The following TRAPPC10 variants were observed in gnomAD, a reference collection of about 807,000 sequenced individuals.
The protein encoded by TRAPPC10 is TRAPP 130 kDa subunit.
A neutral mutation model predicts 125.5 loss-of-function variants in TRAPPC10; 23 were observed. The ratio of observed to expected loss-of-function variants is 0.18; its 90% CI spans 0.13 to 0.26. The LOEUF is 0.26. TRAPPC10 is among the 10% of genes least tolerant of loss of function. The pLI, the probability that TRAPPC10 is intolerant of heterozygous loss-of-function variation, is 1.00. For synonymous variants in TRAPPC10, 509 were observed against 518.0 expected, an observed-to-expected ratio of 0.98 and a Z score of 0.24; for missense variants, 1,123 against 1,308.4, an observed-to-expected ratio of 0.86 and a Z score of 2.19.
At chr21:44,071,197 A>G (rs1601746332) in intron 7 of TRAPPC10, among the ~76,000 whole-genome samples, 1 of 152,326 alleles carries the variant, frequency 6.6e-6, no homozygotes, top group East Asian at 1.9e-4. Flanking sequence ...ATGGTGGCCG[A>G]AGTCAGGAGC....
intron 7 of TRAPPC10, among the ~76,000 whole-genome samples, chr21:44,070,657 C>T (rs2036797735): frequency 1.3e-5 from 2 of 152,232 alleles, no homozygotes; most frequent in Non-Finnish European, 2.9e-5. Context: ...TTGGACGACT[C>T]AAAGCCATGA....
At chr21:44,043,981 C>A (rs2034597779) in intron 3 of TRAPPC10, among the ~76,000 whole-genome samples, 1 of 152,230 alleles carries the variant, frequency 6.6e-6, no homozygotes, top group African/African-American at 2.4e-5. Flanking sequence ...ACCAAATCCT[C>A]TCTCAGTTGT....
At chr21:44,093,897 C>T (rs1004724048) in intron 19 of TRAPPC10, among the ~76,000 whole-genome samples, 166 bp from the exon 20 acceptor site, 4 of 152,214 alleles carry the variant, frequency 2.6e-5, no homozygotes, top group Non-Finnish European at 5.9e-5. Context: ...AGGGCAGGGA[C>T]AGGTGCTGTG....
At chr21:44,016,041 T>C (rs1012900751) in intron 1 of TRAPPC10, among the ~76,000 whole-genome samples, 3 of 151,974 alleles carry the variant, frequency 2.0e-5, no homozygotes, top group Non-Finnish European at 4.4e-5. Flanking sequence ...TACTGAAGAG[T>C]GTATGTGAAA....
chr21:44,080,124 C>A lies in TRAPPC10; in HGVS notation c.1720C>A (p.Pro574Thr). 6.2e-7 allele frequency: 1 copy of A among 1,612,186 alleles called. No homozygotes were observed. The highest frequency in any genetic ancestry group is 1.3e-5 in the African/African-American group (1 of 74,904). ...LDFASQPSDS[P>T]GHKIVLPMHS... ...CTTTGCCAGCCAGCCGTCAGACAGC[C>A]CAGGTAAGACCAGTTCTTACAACTT... The change falls in exon 13 of 23, where the codon CCA becomes ACA. Residue 574 changes from proline (P) to threonine (T), a missense_variant. Pro to Thr is a conservative substitution (Grantham distance 38). Around this residue, in one of 4 missense-constraint regions of TRAPPC10, gnomAD observed 840 missense variants for 902.0 expected, o/e 0.93. Coordinates refer to ENST00000291574, the MANE Select transcript of TRAPPC10 (RefSeq NM_003274.5).
intron 11 of TRAPPC10, among the ~76,000 whole-genome samples, chr21:44,078,988 G>A (rs929194648): frequency 6.6e-6 from 1 of 152,202 alleles, no homozygotes; most frequent in Non-Finnish European, 1.5e-5. Context: ...TGGGGGCCAA[G>A]TGTGGCTATT....
At chr21:44,091,294 G>A (rs1231553709) in intron 18 of TRAPPC10, among the ~76,000 whole-genome samples, 1 of 152,222 alleles carries the variant, frequency 6.6e-6, no homozygotes, top group Admixed American at 6.5e-5. Flanking sequence ...CACCTGTAAT[G>A]AGGAGGGCTG....
chr21:44,021,939 A>G (rs974431927), intron 1 of TRAPPC10, among the ~76,000 whole-genome samples: 25 of 151,982 alleles, frequency 1.6e-4, no homozygotes, highest in African/African-American at 5.3e-4. Context: ...GAGAAAATAC[A>G]TTGCGATTTT....
intron 7 of TRAPPC10, among the ~76,000 whole-genome samples, chr21:44,067,202 C>T (rs1015377120): frequency 1.3e-5 from 2 of 152,110 alleles, no homozygotes; most frequent in Admixed American, 6.5e-5. Flanking sequence ...GTTAGCTGGC[C>T]GGTTTGTGAA....
intron 3 of TRAPPC10, among the ~76,000 whole-genome samples, chr21:44,045,553 CTTTCTTT>C (rs2034728574): frequency 6.7e-6 from 1 of 150,094 alleles, no homozygotes; most frequent in Non-Finnish European, 1.5e-5. Context: ...AAGATTTTTT[CTTTCTTT>C]TTTCTTTTTT....
chr21:44,012,615 G>T (rs2031245094), intron 1 of TRAPPC10, 55 bp downstream of exon 1: 1 of 1,463,852 alleles, frequency 6.8e-7, no homozygotes, highest in Non-Finnish European at 9.3e-7. Flanking sequence ...CCCGGGCCCT[G>T]GCGTTATGCA....
chr21:44,047,565 T>TGTGTGTGTGTGTGTGTGTGTGTGTGC lies in TRAPPC10; in HGVS notation c.286-4714_286-4713insTGTGTGTGTGTGTGTGTGTGTGTGCG, dbSNP rs954810521. Among the ~76,000 whole-genome samples, 136 of 147,184 alleles carry TGTGTGTGTGTGTGTGTGTGTGTGTGC rather than the reference T, an allele frequency of 9.2e-4. 1 individual carries two copies. The highest frequency in any genetic ancestry group is 3.5e-3 in the Middle Eastern group (1 of 284). ...GTGTGTGTGTGTGTGTGTGTGTGTG[T>TGTGTGTGTGTGTGTGTGTGTGTGTGC]GCGCGCACACGCTACATGAAGTTCC... On this transcript the variant is annotated intron_variant, in intron 3 of 22. Transcript: ENST00000291574.
chr21:44,037,026 A>G (rs2034034405), intron 2 of TRAPPC10, among the ~76,000 whole-genome samples: 1 of 152,254 alleles, frequency 6.6e-6, no homozygotes. Flanking sequence ...AAGCATCAGC[A>G]TAGTCCCATT....
chr21:44,044,286 C>CG (rs2034619053), intron 3 of TRAPPC10, among the ~76,000 whole-genome samples: 1 of 150,694 alleles, frequency 6.6e-6, no homozygotes, highest in South Asian at 2.1e-4. Context: ...TTGAATGAGA[C>CG]TTTTTTCCTT....
chr21:44,029,374 G>A (rs1238504231), intron 1 of TRAPPC10, among the ~76,000 whole-genome samples: 3 of 152,196 alleles, frequency 2.0e-5, no homozygotes, highest in Non-Finnish European at 4.4e-5. Flanking sequence ...GATTACAGGC[G>A]TGAGCCACTG....
chr21:44,079,890 T>C (rs1233124361), intron 12 of TRAPPC10, 125 bp from the exon 13 acceptor site: 1 of 1,072,734 alleles, frequency 9.3e-7, no homozygotes, highest in African/African-American at 1.6e-5. Context: ...TGAGCCCTAG[T>C]AACTTAAAAA....
At position 44,049,547 on chromosome 21, in the gene TRAPPC10, G is replaced by GA. The variant is rs1287411767; in HGVS notation, c.286-2732dup. Among the ~76,000 whole-genome samples, 4 of 152,310 alleles carry GA rather than the reference G, an allele frequency of 2.6e-5. No individual in the cohort carries two copies. In the East Asian group the frequency reaches 5.8e-4, roughly 22 times the overall value. On this transcript the variant is annotated intron_variant, in intron 3 of 22. Transcript: ENST00000291574. ...AATAAAAAGGCATCCCTGTCTGGGG[G>GA]ATGCCCTTTGTGCCCTGCTTGGCCC... is the stretch of plus-strand genomic sequence containing the variant.
intron 3 of TRAPPC10, among the ~76,000 whole-genome samples, chr21:44,038,889 G>A (rs2034192601): frequency 6.6e-6 from 1 of 152,164 alleles, no homozygotes; most frequent in Admixed American, 6.5e-5. Flanking sequence ...CAGCCAGTGA[G>A]GACACACGTG....
In TRAPPC10 at chr21:44,074,378, G is replaced by A; in HGVS notation, c.1093G>A (p.Val365Met). 1 of 1,614,224 alleles carries A rather than the reference G, an allele frequency of 6.2e-7. No individual in the cohort carries two copies. The highest frequency in any genetic ancestry group is 8.5e-7 in the Non-Finnish European group (1 of 1,180,038). Residue 365 changes from valine to methionine, a missense_variant, in exon 8 of 23, where the codon GTG (valine) becomes ATG (methionine). By Grantham distance (21) the Val-to-Met change is conservative (BLOSUM62 1). This residue lies in a region of TRAPPC10 where 840 missense variants were observed against 902.0 expected (regional missense o/e 0.93). Coordinates refer to ENST00000291574, the MANE Select transcript of TRAPPC10 (RefSeq NM_003274.5). ...DCWVFLSCLE[V>M]LQRIEGCCDR... ...CTGGGTGTTTCTGAGCTGTCTGGAGGTGTTGCAGAGGATAGAAGGCTGCTG... is the reference window on the plus strand; with the variant it reads ...CTGGGTGTTTCTGAGCTGTCTGGAGATGTTGCAGAGGATAGAAGGCTGCTG...
Sources: gnomAD v4.1 joint callset for allele counts (sites outside exome capture counted in the v4.1 genomes callset) on GRCh38, gnomAD v4.1.1 for gene constraint, gnomAD v4.1.1 regional missense constraint, MANE v1.5 for transcripts, NCBI Gene and HGNC (gene_info 2026-07-23, HGNC 2026-07-21) for gene names.